The following SOS1 variants were observed in gnomAD, a reference collection of about 807,000 sequenced individuals.
SOS1 encodes SOS Ras/Rac guanine nucleotide exchange factor 1.
In SOS1, 25 loss-of-function variants were observed where a neutral mutation model predicts 157.6. The observed-to-expected ratio is 0.16, with a 90% CI of 0.12 to 0.22. The LOEUF is 0.22. Among genes scored for constraint, SOS1 ranks in the 10% least tolerant of loss-of-function variants. SOS1 has a pLI of 1.00. For missense variants in SOS1, 1,237 were observed against 1,599.1 expected, an observed-to-expected ratio of 0.77 and a Z score of 3.86; for synonymous variants, 528 against 534.0, an observed-to-expected ratio of 0.99 and a Z score of 0.16.
chr2:39,041,158 A>C (rs1271940785), intron 6 of SOS1, among the ~76,000 whole-genome samples: 5 of 152,240 alleles, frequency 3.3e-5, no homozygotes, highest in Non-Finnish European at 7.4e-5. Flanking sequence ...TCCTGGGCTC[A>C]AGCAATCCTC....
intron 22 of SOS1, among the ~76,000 whole-genome samples, chr2:38,986,525 G>A (rs933038444): frequency 2.6e-5 from 4 of 151,714 alleles, no homozygotes; most frequent in African/African-American, 9.7e-5. Context: ...GAGTGCAGTG[G>A]TGCAATCATG....
chr2:38,987,418 A>C lies in SOS1; in HGVS notation c.3510+55T>G. 5 of 895,372 alleles carry C rather than the reference A, an allele frequency of 5.6e-6. No individual in the cohort carries two copies. In the South Asian group the frequency reaches 6.9e-5, roughly 12 times the overall value. 55.5% of individuals were successfully genotyped at this position (895,372 alleles called of 1,614,324 possible). ...TGAGAACTAAACTAGACAGCCGTTTATTATAATGAACTGTAATGATTCCAA... is the reference window on the plus strand; with the variant it reads ...TGAGAACTAAACTAGACAGCCGTTTCTTATAATGAACTGTAATGATTCCAA... On this transcript the variant is annotated intron_variant, in intron 22 of 22. Coordinates refer to ENST00000402219, the MANE Select transcript of SOS1 (RefSeq NM_005633.4).
chr2:39,037,186 A>G (rs1368289155), intron 6 of SOS1, among the ~76,000 whole-genome samples: 1 of 152,198 alleles, frequency 6.6e-6, no homozygotes, highest in East Asian at 1.9e-4. Context: ...CAGAAATTGG[A>G]GTCTATTACG....
rs778865680 is a variant in SOS1 at position 39,007,137 on chromosome 2, A to G, written c.2567T>C (p.Ile856Thr). ...CTCTTGAAAGACTTGTAGAATCTCAATAATTCGACTCACCACAGCTACTCT... is the reference window on the plus strand; with the variant it reads ...CTCTTGAAAGACTTGTAGAATCTCAGTAATTCGACTCACCACAGCTACTCT... ...EERVAVVSRI[I>T]EILQVFQELN... Residue 856 changes from isoleucine to threonine, a missense_variant, in exon 16 of 23, where the codon ATT (isoleucine) becomes ACT (threonine). Physicochemically the swap from Ile to Thr is moderately conservative, Grantham distance 89. Coordinates refer to ENST00000402219, the MANE Select transcript of SOS1 (RefSeq NM_005633.4). The G allele has an allele frequency of 1.0e-5, 16 of 1,605,832 alleles. No homozygotes were observed. Among genetic ancestry groups the G allele is most frequent in the Admixed American group, 3.3e-5 (2 of 60,012 alleles).
In SOS1 at chr2:39,023,911, A is replaced by G. The variant is rs974495581; in HGVS notation, c.1202+99T>C. 26 of 827,014 alleles carry G rather than the reference A, an allele frequency of 3.1e-5. No homozygotes were observed. In the South Asian group the frequency reaches 3.3e-4, roughly 10 times the overall value. The allele number at this position is 827,014 out of a possible 1,614,324, so 51.2% of individuals were successfully genotyped here. A position where few individuals can be genotyped will look rare whatever the true frequency, so the allele number is the denominator to read the frequency against. On this transcript the variant is annotated intron_variant, in intron 9 of 22. Coordinates refer to ENST00000402219, the MANE Select transcript of SOS1 (RefSeq NM_005633.4). ...AAAGACCAGGCTTGTCACTAAAACT[A>G]TTTTCTTCATTGTTTACTTGAGGAG...
At chr2:39,045,277 T>A (rs868137546) in intron 6 of SOS1, among the ~76,000 whole-genome samples, 1,269 of 123,784 alleles carry the variant, frequency 0.01, 14 homozygotes, top group African/African-American at 0.033. Flanking sequence ...AGAGAGAGTG[T>A]GTGTGTGTGT....
intron 1 of SOS1, among the ~76,000 whole-genome samples, chr2:39,110,561 A>G (rs1673387574): frequency 1.3e-5 from 2 of 152,332 alleles, no homozygotes; most frequent in Admixed American, 6.5e-5. Context: ...AAAAAAAAAA[A>G]AAGAAGAGGG....
rs1157557344 is a variant in SOS1, at chr2:39,035,420, T to C, written c.945A>G (p.Leu315=). The change falls in exon 7 of 23, where the codon TTA becomes TTG. Residue 315 remains leucine, a synonymous_variant. Transcript: ENST00000402219. ...AATAAAGTGCTGCCCCAGGCTTTGA[T>C]AACTGACTAAGGAAACGATCATGAA... The part of the protein sequence containing the change: ...PGFHDRFLSQ[L]SKPGAALYLQ... The C allele has an allele frequency of 5.0e-6, 8 of 1,613,732 alleles. No individual in the cohort carries two copies. The highest frequency in any genetic ancestry group is 4.2e-6 in the Non-Finnish European group (5 of 1,179,796).
chr2:39,086,357 A>G (rs1009136842), intron 1 of SOS1, among the ~76,000 whole-genome samples: 2 of 152,198 alleles, frequency 1.3e-5, no homozygotes, highest in Non-Finnish European at 1.5e-5. Context: ...ATACAGGTGC[A>G]TATACTAGGA....
chr2:39,074,896 CAG>C (rs1481933694), intron 1 of SOS1, among the ~76,000 whole-genome samples: 1 of 144,936 alleles, frequency 6.9e-6, no homozygotes, highest in Non-Finnish European at 1.5e-5. Flanking sequence ...AAAAAAGGCA[CAG>C]AGACTAAGAA....
In SOS1 at chr2:38,983,594, C is replaced by T. The variant is rs1180092211; in HGVS notation, c.*2230G>A. 3 of 152,246 alleles carry T rather than the reference C, an allele frequency of 2.0e-5. No individual in the cohort carries two copies. The highest frequency in any genetic ancestry group is 4.8e-5 in the African/African-American group (2 of 41,562). 9.4% of individuals were successfully genotyped at this position (152,246 alleles called of 1,614,324 possible). On this transcript the variant is annotated 3_prime_UTR_variant, in exon 23 of 23. Coordinates refer to ENST00000402219, the MANE Select transcript of SOS1 (RefSeq NM_005633.4). ...GTTATCACCTTATTGAAGGCTAACACATTAGCCGAAGACATACTGAAGGGG... is the reference window on the plus strand; with the variant it reads ...GTTATCACCTTATTGAAGGCTAACATATTAGCCGAAGACATACTGAAGGGG...
At chr2:39,102,037 C>G (rs1418280385) in intron 1 of SOS1, among the ~76,000 whole-genome samples, 1 of 150,280 alleles carries the variant, frequency 6.7e-6, no homozygotes, top group Non-Finnish European at 1.5e-5. Flanking sequence ...GAAACCCCAT[C>G]TCTACTAAAA....
chr2:39,049,289 T>C (rs1384418432), intron 6 of SOS1, among the ~76,000 whole-genome samples: 2 of 152,262 alleles, frequency 1.3e-5, no homozygotes, highest in African/African-American at 4.8e-5. Flanking sequence ...AGTGAAGTCC[T>C]CAATTCCATC....
At chr2:39,109,136 C>T (rs921134013) in intron 1 of SOS1, among the ~76,000 whole-genome samples, 2 of 152,116 alleles carry the variant, frequency 1.3e-5, no homozygotes, top group Non-Finnish European at 2.9e-5. Flanking sequence ...GAAGTTGGGG[C>T]TGCAGTAAGC....
At chr2:38,997,878 C>G (rs1290587726) in intron 17 of SOS1, among the ~76,000 whole-genome samples, 4 of 152,160 alleles carry the variant, frequency 2.6e-5, no homozygotes, top group Admixed American at 1.3e-4. Flanking sequence ...TCATTTTTGG[C>G]AAACAGGAAA....
In SOS1 at chr2:39,007,341, T is replaced by C. The variant is rs1201290083; in HGVS notation, c.2511-148A>G. ...GAGAAGACACATTCAGGGTGACTGA[T>C]AGAAGGAAGGCAGTGCCTCCAGTCA... is the stretch of plus-strand genomic sequence containing the variant. On this transcript the variant is annotated intron_variant, in intron 15 of 22. Coordinates refer to ENST00000402219, the MANE Select transcript of SOS1 (RefSeq NM_005633.4). 10 of 630,954 alleles carry C rather than the reference T, an allele frequency of 1.6e-5. No individual in the cohort carries two copies. In the East Asian group the frequency reaches 1.9e-4, roughly 12 times the overall value. 39.1% of individuals were successfully genotyped at this position (630,954 alleles called of 1,614,324 possible).
In SOS1 at chr2:38,987,501, G is replaced by C; in HGVS notation, c.3482C>G (p.Ser1161Cys). ...PPVPPRRRPE[S>C]APAESSPSKI... Reference sequence around the variant, plus strand: ...AGATGGTGAAGATTCTGCTGGGGCAGATTCTGGTCGTCTTCGTGGAGGAAC... The same window carrying C: ...AGATGGTGAAGATTCTGCTGGGGCACATTCTGGTCGTCTTCGTGGAGGAAC... Residue 1161 changes from serine to cysteine, a missense_variant, in exon 22 of 23, where the codon TCT becomes TGT. By Grantham distance (112) the Ser-to-Cys change is moderately radical. Transcript: ENST00000402219. 1 of 1,596,378 alleles carries C rather than the reference G, an allele frequency of 6.3e-7. No individual in the cohort carries two copies. Among genetic ancestry groups the C allele is most frequent in the Non-Finnish European group, 8.6e-7 (1 of 1,166,148 alleles).
At chr2:39,005,140 G>A (rs546320899) in intron 17 of SOS1, among the ~76,000 whole-genome samples, 2 of 152,220 alleles carry the variant, frequency 1.3e-5, no homozygotes, top group East Asian at 3.9e-4. Flanking sequence ...ATACGTATGA[G>A]CTTAATTTAT....
chr2:39,046,385 C>T (rs1485694022), intron 6 of SOS1, among the ~76,000 whole-genome samples: 1 of 151,888 alleles, frequency 6.6e-6, no homozygotes, highest in Non-Finnish European at 1.5e-5. Flanking sequence ...ATAGTTTAGT[C>T]TTTCCAAGAC....
Sources: gnomAD v4.1 joint callset for allele counts (sites outside exome capture counted in the v4.1 genomes callset) on GRCh38, gnomAD v4.1.1 for gene constraint, MANE v1.5 for transcripts, NCBI Gene and HGNC (gene_info 2026-07-23, HGNC 2026-07-21) for gene names.